MCTP1: variants seen among roughly 807,000 people sequenced by gnomAD.
The protein encoded by MCTP1 is multiple C2 and transmembrane domain containing 1.
MCTP1 carries 69 observed loss-of-function variants against 120.6 expected under a neutral mutation model. The observed-to-expected ratio is 0.57, with a 90% CI of 0.47 to 0.70. MCTP1 has a LOEUF of 0.70. MCTP1 is among the 30% of genes least tolerant of loss of function. The probability of loss-of-function intolerance (pLI) is 0.00; values close to 1 mark genes in which losing one functional copy is unlikely to be tolerated. For synonymous variants in MCTP1, 529 were observed against 493.1 expected, an observed-to-expected ratio of 1.07 and a Z score of -0.96; for missense variants, 1,203 against 1,248.8, an observed-to-expected ratio of 0.96 and a Z score of 0.55.
At chr5:94,942,114 G>C (rs1817872754) in intron 4 of MCTP1, among the ~76,000 whole-genome samples, 1 of 152,070 alleles carries the variant, frequency 6.6e-6, no homozygotes, top group South Asian at 2.1e-4. Context: ...CTGGGGAACA[G>C]AGCAAGTAGG....
rs148374903 is a variant in MCTP1 at position 94,807,603 on chromosome 5, G to A, written c.2437-8471C>T. Among the ~76,000 whole-genome samples, 8 of 152,260 alleles carry A rather than the reference G, an allele frequency of 5.3e-5. No individual in the cohort carries two copies. In the East Asian group the frequency reaches 1.5e-3, roughly 29 times the overall value. On this transcript the variant is annotated intron_variant, in intron 17 of 22. Coordinates refer to ENST00000515393, the MANE Select transcript of MCTP1 (RefSeq NM_024717.7). Reference sequence around the variant, plus strand: ...ACAAGAAAGGGAATATAAAAAGAAGGAGGATCAACTTTCAAACATTTCGAT... The same window carrying A: ...ACAAGAAAGGGAATATAAAAAGAAGAAGGATCAACTTTCAAACATTTCGAT...
At chr5:95,109,945 A>G (rs1757340892) in intron 1 of MCTP1, among the ~76,000 whole-genome samples, 1 of 152,206 alleles carries the variant, frequency 6.6e-6, no homozygotes, top group South Asian at 2.1e-4. Context: ...CCAACAGAAC[A>G]ATTCCTAGAC....
At chr5:94,810,020 A>G (rs569118425) in intron 17 of MCTP1, among the ~76,000 whole-genome samples, 7 of 152,242 alleles carry the variant, frequency 4.6e-5, no homozygotes, top group African/African-American at 1.4e-4. Context: ...TATGCCTCCA[A>G]TGAAAAAGAT....
chr5:94,770,430 A>G (rs1773795450), intron 19 of MCTP1, among the ~76,000 whole-genome samples: 1 of 152,234 alleles, frequency 6.6e-6, no homozygotes, highest in South Asian at 2.1e-4. Flanking sequence ...CTCTTAAATG[A>G]AAGTTCTTTT....
chr5:94,812,360 A>G lies in MCTP1; in HGVS notation c.2437-13228T>C, dbSNP rs1236320014. 2.0e-5 allele frequency among the ~76,000 whole-genome samples: 3 copies of G among 152,030 alleles called. No individual in the cohort carries two copies. The East Asian group carries it at 5.8e-4, about 29-fold the overall frequency. On this transcript the variant is annotated intron_variant, in intron 17 of 22. Coordinates refer to ENST00000515393, the MANE Select transcript of MCTP1 (RefSeq NM_024717.7). ...CTCTCTGAAATTTAATGTCCTCTCA[A>G]GGAAAAATGTGAGCTATTGGTAGAT...
chr5:95,140,372 A>G (rs1248324402), intron 1 of MCTP1, among the ~76,000 whole-genome samples: 1 of 152,140 alleles, frequency 6.6e-6, no homozygotes, highest in Non-Finnish European at 1.5e-5. Flanking sequence ...TACTTTTGTT[A>G]CTTCTCTATA....
rs561193757 is a variant in MCTP1, at chr5:94,906,647, T to C, written c.1652+2604A>G. 9.2e-5 allele frequency among the ~76,000 whole-genome samples: 14 copies of C among 152,332 alleles called. 1 individual carries two copies. In the South Asian group the frequency reaches 2.5e-3, roughly 27 times the overall value. Reference sequence around the variant, plus strand: ...TTATTGAGTTTGCATTTACAAAATATATTTTAAAAAATCATTATATATGAC... The same window carrying C: ...TTATTGAGTTTGCATTTACAAAATACATTTTAAAAAATCATTATATATGAC... On this transcript the variant is annotated intron_variant, in intron 10 of 22. Coordinates refer to ENST00000515393, the MANE Select transcript of MCTP1 (RefSeq NM_024717.7).
At chr5:95,121,078 A>G (rs1254263005) in intron 1 of MCTP1, among the ~76,000 whole-genome samples, 2 of 152,072 alleles carry the variant, frequency 1.3e-5, no homozygotes, top group African/African-American at 4.8e-5. Flanking sequence ...GGAGATCGAG[A>G]CCATCCTGGC....
intron 17 of MCTP1, among the ~76,000 whole-genome samples, chr5:94,864,451 C>G (rs924625738): frequency 6.6e-6 from 1 of 151,756 alleles, no homozygotes; most frequent in African/African-American, 2.4e-5. Flanking sequence ...TAAATTCTAC[C>G]TTTTTGTGCA....
At chr5:94,815,104 T>G (rs1433787046) in intron 17 of MCTP1, among the ~76,000 whole-genome samples, 1 of 152,192 alleles carries the variant, frequency 6.6e-6, no homozygotes. Context: ...TCCCTTAGGT[T>G]GGTTGGGTTT....
At chr5:95,126,941 A>G (rs988519305) in intron 1 of MCTP1, among the ~76,000 whole-genome samples, 4 of 152,174 alleles carry the variant, frequency 2.6e-5, no homozygotes, top group Admixed American at 6.5e-5. Flanking sequence ...TAAAATAACC[A>G]CATTTTATTA....
At chr5:95,220,399 A>G (rs1753555901) in intron 1 of MCTP1, among the ~76,000 whole-genome samples, 1 of 151,650 alleles carries the variant, frequency 6.6e-6, no homozygotes, top group Non-Finnish European at 1.5e-5. Flanking sequence ...ACAAACACTG[A>G]CGGAATCATA....
chr5:94,951,155 T>C (rs1049650416), intron 3 of MCTP1, among the ~76,000 whole-genome samples: 6 of 152,142 alleles, frequency 3.9e-5, no homozygotes, highest in Non-Finnish European at 8.8e-5. Flanking sequence ...ATCATTCCAC[T>C]GTCTATGCCC....
intron 12 of MCTP1, among the ~76,000 whole-genome samples, chr5:94,885,075 C>G (rs900963702): frequency 6.6e-6 from 1 of 152,148 alleles, no homozygotes; most frequent in Non-Finnish European, 1.5e-5. Context: ...CTCTCTCTCT[C>G]CCCCTTTTTC....
intron 8 of MCTP1, among the ~76,000 whole-genome samples, chr5:94,915,152 A>G (rs898175340): frequency 2.0e-5 from 3 of 152,230 alleles, no homozygotes; most frequent in African/African-American, 4.8e-5. Context: ...AAAAGTGTAC[A>G]TATCTACATT....
chr5:95,168,309 T>C (rs934738602), intron 1 of MCTP1, among the ~76,000 whole-genome samples: 1 of 152,230 alleles, frequency 6.6e-6, no homozygotes, highest in Admixed American at 6.5e-5. Context: ...CCTTGTAGTG[T>C]AGTTTGAAGT....
intron 1 of MCTP1, among the ~76,000 whole-genome samples, chr5:95,065,907 C>A (rs1251467740): frequency 6.6e-6 from 1 of 152,102 alleles, no homozygotes; most frequent in South Asian, 2.1e-4. Context: ...TTCCAAACTA[C>A]TAGAAGACAA....
At chr5:94,798,589 T>G (rs762223458) in intron 18 of MCTP1, among the ~76,000 whole-genome samples, 1 of 152,118 alleles carries the variant, frequency 6.6e-6, no homozygotes, top group South Asian at 2.1e-4. Flanking sequence ...CATCAATCCT[T>G]CATTCTTCCA....
chr5:94,994,836 G>A (rs1832296585), intron 2 of MCTP1, among the ~76,000 whole-genome samples: 1 of 152,160 alleles, frequency 6.6e-6, no homozygotes, highest in Non-Finnish European at 1.5e-5. Context: ...GGACTGGTCT[G>A]GGTAAGTCTT....
Sources: gnomAD v4.1 joint callset for allele counts (sites outside exome capture counted in the v4.1 genomes callset) on GRCh38, gnomAD v4.1.1 for gene constraint, MANE v1.5 for transcripts, NCBI Gene and HGNC (gene_info 2026-07-23, HGNC 2026-07-21) for gene names.